The following ARSB variants were observed in gnomAD, a reference collection of about 807,000 sequenced individuals.
ARSB encodes arylsulfatase B, also known as N-acetylgalactosamine-4-sulfatase.
In ARSB, 41 loss-of-function variants were observed where a neutral mutation model predicts 50.9. The observed-to-expected ratio is 0.81, with a 90% CI of 0.63 to 1.04. ARSB has a LOEUF of 1.04. Among genes scored for constraint, ARSB ranks in the 50% least tolerant of loss-of-function variants. The probability of loss-of-function intolerance (pLI) is 0.00; values close to 1 mark genes in which losing one functional copy is unlikely to be tolerated. For synonymous variants in ARSB, 269 were observed against 284.8 expected (o/e 0.94, Z 0.56); for missense variants, 672 against 693.3 (o/e 0.97, Z 0.35).
chr5:78,869,094 A>G (rs1218485053), intron 5 of ARSB, among the ~76,000 whole-genome samples: 12 of 148,820 alleles, frequency 8.1e-5, no homozygotes, highest in Non-Finnish European at 1.2e-4. Context: ...AAAGGGATCA[A>G]TTCAACAAGA....
intron 5 of ARSB, among the ~76,000 whole-genome samples, chr5:78,873,498 A>ATTTTTTTTTTTTTTTTTTTTTTT (rs71001133): frequency 1.1e-5 from 1 of 93,212 alleles, no homozygotes; most frequent in Non-Finnish European, 2.1e-5. Context: ...TAAAACTGTA[A>ATTTTTTTTTTTTTTTTTTTTTTT]TTTTTTTTTT....
chr5:78,853,556 T>A (rs112701311), intron 5 of ARSB, among the ~76,000 whole-genome samples: 21,223 of 152,246 alleles, frequency 0.14, 1,543 homozygotes, highest in Middle Eastern at 0.2. Flanking sequence ...GATCTCCAGC[T>A]GCGTGCTGGG....
chr5:78,904,833 C>T (rs1177657163), intron 4 of ARSB, among the ~76,000 whole-genome samples: 3 of 151,808 alleles, frequency 2.0e-5, no homozygotes, highest in Non-Finnish European at 2.9e-5. Flanking sequence ...GGACGACAGG[C>T]GTGTGCCACC....
intron 4 of ARSB, among the ~76,000 whole-genome samples, chr5:78,940,990 G>A (rs1161449251): frequency 6.6e-6 from 1 of 151,668 alleles, no homozygotes; most frequent in African/African-American, 2.4e-5. Context: ...TCCTTGAAGA[G>A]GTCCTTCACA....
rs185853713 is a variant in ARSB, at chr5:78,977,433, C to T, written c.312+7504G>A. Among the ~76,000 whole-genome samples the T allele has an allele frequency of 1.4e-4, 22 of 152,286 alleles. 1 individual carries two copies. The highest frequency in any genetic ancestry group is 1.1e-3 in the Admixed American group (17 of 15,296). On this transcript the variant is annotated intron_variant, in intron 1 of 7. Coordinates refer to ENST00000264914, the MANE Select transcript of ARSB (RefSeq NM_000046.5). ...CCTCCCAAAGTGCTGGGATTACAGA[C>T]GTGAGCCACCACGCCTGGCCTGTTT...
intron 5 of ARSB, among the ~76,000 whole-genome samples, chr5:78,844,824 A>G (rs962990730): frequency 2.0e-5 from 3 of 152,100 alleles, no homozygotes; most frequent in Non-Finnish European, 4.4e-5. Flanking sequence ...ATGTGTAATG[A>G]TAAGTCAGTG....
chr5:78,853,859 G>A (rs1381134513), intron 5 of ARSB, among the ~76,000 whole-genome samples: 2 of 152,232 alleles, frequency 1.3e-5, no homozygotes, highest in African/African-American at 2.4e-5. Context: ...AGGACCCTCT[G>A]AGCCAGGTGC....
rs1263222978 is a variant in ARSB at position 78,816,192 on chromosome 5, G to C, written c.1213+23164C>G. The C allele has an allele frequency of 2.5e-6, 4 of 1,612,722 alleles. No individual in the cohort carries two copies. The East Asian group carries it at 6.7e-5, about 27-fold the overall frequency. On this transcript the variant is annotated intron_variant, in intron 6 of 7. Coordinates refer to ENST00000264914, the MANE Select transcript of ARSB (RefSeq NM_000046.5). ...CGGTTGTATCAGGACTGCATTTCTA[G>C]TCCAGGAGATTTCTTACAATCTCAC...
chr5:78,895,803 G>A (rs1748535337), intron 4 of ARSB, among the ~76,000 whole-genome samples: 1 of 152,226 alleles, frequency 6.6e-6, no homozygotes, highest in South Asian at 2.1e-4. Flanking sequence ...ATAGTCAGCA[G>A]GTGGATGAGC....
chr5:78,845,774 G>A (rs951073673), intron 5 of ARSB, among the ~76,000 whole-genome samples: 2 of 152,000 alleles, frequency 1.3e-5, no homozygotes, highest in Non-Finnish European at 2.9e-5. Flanking sequence ...TATATATTCT[G>A]GATATTAATC....
intron 6 of ARSB, among the ~76,000 whole-genome samples, chr5:78,810,734 A>C (rs1375185712): frequency 6.6e-6 from 1 of 152,208 alleles, no homozygotes; most frequent in Admixed American, 6.5e-5. Context: ...TATGTGAGTT[A>C]AACATCTTTA....
intron 4 of ARSB, among the ~76,000 whole-genome samples, chr5:78,906,913 G>A (rs567588908): frequency 6.6e-6 from 1 of 152,214 alleles, no homozygotes; most frequent in South Asian, 2.1e-4. Context: ...TTCATGTCAG[G>A]TAAGAATAAA....
upstream of ARSB, chr5:78,985,455 A>T (rs890186993): frequency 2.8e-6 from 1 of 356,792 alleles, no homozygotes; most frequent in Admixed American, 5.0e-5. Context: ...GCCAGAGACG[A>T]ACCCGCGGGC....
At chr5:78,982,960 C>T (rs1227650173) in intron 1 of ARSB, among the ~76,000 whole-genome samples, 1 of 152,178 alleles carries the variant, frequency 6.6e-6, no homozygotes, top group Non-Finnish European at 1.5e-5. Flanking sequence ...ATGGGGTACT[C>T]TAAATACTAA....
chr5:78,920,637 G>A (rs1749764845), intron 4 of ARSB, among the ~76,000 whole-genome samples: 2 of 151,128 alleles, frequency 1.3e-5, no homozygotes, highest in Non-Finnish European at 1.5e-5. Flanking sequence ...CTCCACCACA[G>A]GGGATGGGGT....
At chr5:78,865,567 C>T (rs1187811696) in intron 5 of ARSB, among the ~76,000 whole-genome samples, 1 of 152,158 alleles carries the variant, frequency 6.6e-6, no homozygotes, top group African/African-American at 2.4e-5. Flanking sequence ...ACATTTGGCT[C>T]CTGATTACTT....
chr5:78,840,864 T>C (rs966641485), intron 5 of ARSB, among the ~76,000 whole-genome samples: 5 of 152,104 alleles, frequency 3.3e-5, no homozygotes, highest in African/African-American at 1.2e-4. Flanking sequence ...CTGGAGACTA[T>C]CAACCAGTCC....
chr5:78,785,232 T>C (rs1426084170), intron 6 of ARSB, among the ~76,000 whole-genome samples: 3 of 150,392 alleles, frequency 2.0e-5, no homozygotes, highest in Non-Finnish European at 1.5e-5. Context: ...CTTAATTTGT[T>C]ATTTTTTTTA....
chr5:78,937,760 G>A (rs1301811551), intron 4 of ARSB, among the ~76,000 whole-genome samples: 1 of 151,826 alleles, frequency 6.6e-6, no homozygotes, highest in Non-Finnish European at 1.5e-5. Flanking sequence ...AAATGTATTG[G>A]TTATTGATTT....
Sources: gnomAD v4.1 joint callset for allele counts (sites outside exome capture counted in the v4.1 genomes callset) on GRCh38, gnomAD v4.1.1 for gene constraint, MANE v1.5 for transcripts, NCBI Gene and HGNC (gene_info 2026-07-23, HGNC 2026-07-21) for gene names.